Variants in GATA4 observed in about 807,000 individuals in gnomAD.
GATA4 encodes the protein transcription factor GATA-4.
In GATA4, 7 loss-of-function variants were observed where a neutral mutation model predicts 37.9. The observed-to-expected ratio is 0.18, with a 90% CI of 0.11 to 0.35. The LOEUF (loss-of-function observed/expected upper bound fraction) is 0.35. Among genes scored for constraint, GATA4 ranks in the 10% least tolerant of loss-of-function variants. The pLI is 1.00. For synonymous variants in GATA4, 372 were observed against 292.6 expected (o/e 1.27, Z -2.77); for missense variants, 647 against 653.0 (o/e 0.99, Z 0.10).
chr8:11,692,154 G>A (rs2129980577), upstream of GATA4: 1 of 495,748 alleles, frequency 2.0e-6, no homozygotes, highest in Non-Finnish European at 2.6e-6. Flanking sequence ...TCAGGTAACA[G>A]CCCAGCAGCC....
intron 1 of GATA4, among the ~76,000 whole-genome samples, chr8:11,685,279 A>G (rs942338309): frequency 7.2e-5 from 11 of 152,248 alleles, no homozygotes; most frequent in African/African-American, 2.4e-4. Flanking sequence ...CAGTCGAGAA[A>G]GAGAAGAGAG....
chr8:11,750,619 T>C (rs1443110363), intron 4 of GATA4, among the ~76,000 whole-genome samples: 1 of 152,060 alleles, frequency 6.6e-6, no homozygotes, highest in South Asian at 2.1e-4. Context: ...GGATATTACA[T>C]GTAAAACATC....
rs1378119897 is a variant in GATA4, at chr8:11,749,785, C to T, written c.787-326C>T. Among the ~76,000 whole-genome samples, 1 of 152,222 alleles carries T rather than the reference C, an allele frequency of 6.6e-6. No homozygotes were observed. Among genetic ancestry groups the T allele is most frequent in the East Asian group, 1.9e-4 (1 of 5,196 alleles). On this transcript the variant is annotated intron_variant, in intron 3 of 6. Transcript: ENST00000532059. This position sits in a 1 kb window ranked among gnomAD's most constrained non-coding sequence, Gnocchi z 4.6. ...GGCACCTGCAGCCCCGGTCAGTTCT[C>T]CTCTCAGGAGAAGCTTTCCTGCCGG...
At chr8:11,680,986 T>G in intron 1 of GATA4, 2 of 967,728 alleles carry the variant, frequency 2.1e-6, no homozygotes, top group Non-Finnish European at 2.5e-6. Flanking sequence ...AATATCCCCC[T>G]GCAGAGAGAC....
At chr8:11,728,604 A>C (rs1417921201) in intron 2 of GATA4, among the ~76,000 whole-genome samples, 2 of 151,808 alleles carry the variant, frequency 1.3e-5, no homozygotes, top group Non-Finnish European at 2.9e-5. Flanking sequence ...GCTGGAGTAC[A>C]GTGGCATGGT....
intron 1 of GATA4, among the ~76,000 whole-genome samples, chr8:11,694,811 C>A (rs553392595): frequency 6.6e-6 from 1 of 152,254 alleles, no homozygotes. Context: ...TTATCAAGAA[C>A]TCTGGGAAGA....
At chr8:11,687,057 G>T (rs575285048) in intron 1 of GATA4, among the ~76,000 whole-genome samples, 1 of 152,072 alleles carries the variant, frequency 6.6e-6, no homozygotes, top group African/African-American at 2.4e-5. Context: ...CTAGGAAGGG[G>T]ATTAACTCCA....
intron 2 of GATA4, among the ~76,000 whole-genome samples, chr8:11,715,331 AC>A (rs1800389734): frequency 6.6e-6 from 1 of 152,194 alleles, no homozygotes; most frequent in African/African-American, 2.4e-5. Context: ...ATGCCTTGGA[AC>A]TTTTTGAATT....
At chr8:11,725,440 C>G (rs59035560) in intron 2 of GATA4, among the ~76,000 whole-genome samples, 7,195 of 152,362 alleles carry the variant, frequency 0.047, 478 homozygotes, top group African/African-American at 0.15. Context: ...CTTCAGAAGC[C>G]TCCGGCTCCG....
At chr8:11,725,133 A>T (rs1006657917) in intron 2 of GATA4, among the ~76,000 whole-genome samples, 1 of 152,218 alleles carries the variant, frequency 6.6e-6, no homozygotes, top group Non-Finnish European at 1.5e-5. Flanking sequence ...TGCGCAGCCC[A>T]TGCAGTCCCT....
chr8:11,680,259 A>T (rs1798913675), intron 1 of GATA4, among the ~76,000 whole-genome samples: 1 of 152,198 alleles, frequency 6.6e-6, no homozygotes, highest in African/African-American at 2.4e-5. Context: ...CAGGCGGGAG[A>T]CCAGGCGGTG....
At chr8:11,757,971 A>G (rs1371533205) in intron 6 of GATA4, among the ~76,000 whole-genome samples, 6 of 152,196 alleles carry the variant, frequency 3.9e-5, no homozygotes, top group East Asian at 1.9e-4. Flanking sequence ...TCTTTGTTGG[A>G]AAGTGGATGT....
Position 11,753,394 on chromosome 8 carries a change from C to A in GATA4, c.913-1652C>A, listed in dbSNP as rs1802395478. 2.0e-5 allele frequency among the ~76,000 whole-genome samples: 3 copies of A among 151,710 alleles called. No homozygotes were observed. In the South Asian group the frequency reaches 6.2e-4, roughly 31 times the overall value. On this transcript the variant is annotated intron_variant, in intron 4 of 6. Transcript: ENST00000532059. ...AAGAGTTCTGGGGATGGTGGTCAGG[C>A]TTGCAGAACGGTGTGAATGCGCTTA...
At chr8:11,754,110 C>T (rs1244269040) in intron 4 of GATA4, among the ~76,000 whole-genome samples, 10 of 152,244 alleles carry the variant, frequency 6.6e-5, no homozygotes, top group Admixed American at 6.5e-4. Flanking sequence ...CCAGCCAGAC[C>T]CAATGCAGTA....
chr8:11,680,867 T>C, intron 1 of GATA4: 1 of 985,262 alleles, frequency 1.0e-6, no homozygotes, highest in Non-Finnish European at 1.2e-6. Context: ...CTGACCCATT[T>C]CTTCTCAGTT....
At chr8:11,745,535 G>A (rs145941722) in intron 2 of GATA4, among the ~76,000 whole-genome samples, 2,434 of 152,108 alleles carry the variant, frequency 0.016, 36 homozygotes, top group Non-Finnish European at 0.022. Context: ...GCAGTGAGCC[G>A]AGATCGCAGC....
At chr8:11,742,603 A>G (rs1168624100) in intron 2 of GATA4, among the ~76,000 whole-genome samples, 1 of 152,190 alleles carries the variant, frequency 6.6e-6, no homozygotes, top group Non-Finnish European at 1.5e-5. Context: ...CAGCAGCTGC[A>G]GGAGCTTCCA....
chr8:11,706,977 G>A (rs964127170), intron 1 of GATA4, among the ~76,000 whole-genome samples: 4 of 152,140 alleles, frequency 2.6e-5, no homozygotes, highest in Non-Finnish European at 5.9e-5. Context: ...ATGCTGGGAA[G>A]TATATAATCA....
In GATA4 at chr8:11,744,382, G is replaced by C. The variant is rs1021119170; in HGVS notation, c.617-4534G>C. ...ATTATTACAAGTCTTTCCTCCAAAC[G>C]TGGGTGATGCCTTCCAAGTGGCTGG... On this transcript the variant is annotated intron_variant, in intron 2 of 6. Transcript: ENST00000532059. Among the ~76,000 whole-genome samples the C allele has an allele frequency of 2.6e-5, 4 of 152,306 alleles. No individual in the cohort carries two copies. In the South Asian group the frequency reaches 8.3e-4, roughly 32 times the overall value.
Sources: allele counts gnomAD v4.1 joint callset (sites outside exome capture counted in the v4.1 genomes callset), GRCh38; gene constraint gnomAD v4.1.1; non-coding constraint Gnocchi (gnomAD v3.1); transcripts MANE v1.5; gene names NCBI Gene and HGNC (gene_info 2026-07-23, HGNC 2026-07-21).